Variants in PLAG1 observed in about 807,000 individuals in gnomAD.
PLAG1 encodes the protein PLAG1 zinc finger, also known as zinc finger protein PLAG1.
Under a neutral mutation model 35.5 loss-of-function variants are expected in PLAG1, and 7 were observed. That is an observed-to-expected ratio of 0.20 (90% CI 0.11 to 0.37). PLAG1 has a LOEUF of 0.37. PLAG1 is among the 10% of genes least tolerant of loss of function. The pLI is 1.00. For missense variants in PLAG1, 454 were observed against 602.8 expected (o/e 0.75, Z 2.58); for synonymous variants, 229 against 225.4 (o/e 1.02, Z -0.14).
chr8:56,185,123 A>G (rs1186106520), intron 1 of PLAG1, among the ~76,000 whole-genome samples: 1 of 152,222 alleles, frequency 6.6e-6, no homozygotes, highest in African/African-American at 2.4e-5. Context: ...TACATACTGC[A>G]CGATTCCATC....
intron 1 of PLAG1, among the ~76,000 whole-genome samples, chr8:56,197,660 G>A (rs1258905308): frequency 6.6e-6 from 1 of 152,182 alleles, no homozygotes; most frequent in Non-Finnish European, 1.5e-5. Context: ...TTAGGTCTAC[G>A]TGTTTCTCTG....
Position 56,163,880 on chromosome 8 carries a change from G to A in PLAG1, c.*2363C>T, listed in dbSNP as rs1317878266. The stretch of plus-strand genomic sequence containing the variant: ...AGAATAAAGTAGTGCTTCCACACTT[G>A]CTATTTGTGATTTCTATTTAAAAAT... On this transcript the variant is annotated 3_prime_UTR_variant, in exon 5 of 5. Transcript: ENST00000316981. The A allele has an allele frequency of 1.1e-5, 2 of 184,402 alleles. No individual in the cohort carries two copies. The highest frequency in any genetic ancestry group is 4.7e-5 in the African/African-American group (2 of 42,492). 11.4% of individuals were successfully genotyped at this position (184,402 alleles called of 1,614,324 possible). A position where few individuals can be genotyped will look rare whatever the true frequency, so the allele number is the denominator to read the frequency against.
intron 1 of PLAG1, among the ~76,000 whole-genome samples, chr8:56,187,405 C>A (rs563469722): frequency 1.3e-5 from 2 of 152,202 alleles, no homozygotes; most frequent in Non-Finnish European, 2.9e-5. Flanking sequence ...AGGCAAGAAT[C>A]AGAACTAGGC....
At position 56,171,062 on chromosome 8, in the gene PLAG1, ATTATAGTGAT is replaced by A. The variant is rs1374433759; in HGVS notation, c.-118+19_-118+28del. ...AATACTTTAAAGGTGCATGCATAGA[ATTATAGTGAT>A]TTTTAGTTCAATGCATACCTGATTA... On this transcript the variant is annotated intron_variant, in intron 3 of 4. Transcript: ENST00000316981. The A allele has an allele frequency of 3.7e-6, 2 of 538,534 alleles. No homozygotes were observed. Among genetic ancestry groups the A allele is most frequent in the Non-Finnish European group, 4.7e-6 (2 of 421,296 alleles). The allele number at this position is 538,534 out of a possible 1,614,324, so 33.4% of individuals were successfully genotyped here. A position where few individuals can be genotyped will look rare whatever the true frequency, so the allele number is the denominator to read the frequency against.
At position 56,162,017 on chromosome 8, in the gene PLAG1, T is replaced by C; in HGVS notation, c.*4226A>G. 1 of 226,800 alleles carries C rather than the reference T, an allele frequency of 4.4e-6. No individual in the cohort carries two copies. Among genetic ancestry groups the C allele is most frequent in the Non-Finnish European group, 8.8e-6 (1 of 113,750 alleles). The allele number at this position is 226,800 out of a possible 1,614,324, so 14.0% of individuals were successfully genotyped here. A position where few individuals can be genotyped will look rare whatever the true frequency, so the allele number is the denominator to read the frequency against. On this transcript the variant is annotated 3_prime_UTR_variant, in exon 5 of 5. Transcript: ENST00000316981. Reference sequence around the variant, plus strand: ...GCCCTAAGTGCAATCTGAGTGTGCCTTCACCAATGCTGGTTGCATGATCTT... The same window carrying C: ...GCCCTAAGTGCAATCTGAGTGTGCCCTCACCAATGCTGGTTGCATGATCTT...
chr8:56,206,015 T>C (rs549899519), intron 1 of PLAG1, among the ~76,000 whole-genome samples: 14 of 152,114 alleles, frequency 9.2e-5, no homozygotes, highest in Non-Finnish European at 2.1e-4. Context: ...TAACACTACC[T>C]TTTTAAAAAA....
chr8:56,179,169 G>A (rs1256601356), intron 2 of PLAG1, among the ~76,000 whole-genome samples: 1 of 151,964 alleles, frequency 6.6e-6, no homozygotes, highest in Non-Finnish European at 1.5e-5. Flanking sequence ...CAGCAGCTAT[G>A]TGTTTTGTGC....
intron 1 of PLAG1, among the ~76,000 whole-genome samples, chr8:56,207,847 T>G (rs768536139): frequency 3.3e-5 from 5 of 152,126 alleles, no homozygotes; most frequent in Non-Finnish European, 7.4e-5. Context: ...TAAGACTCTC[T>G]AAGCGATTAC....
intron 1 of PLAG1, among the ~76,000 whole-genome samples, chr8:56,206,959 G>A (rs1208579590): frequency 2.0e-5 from 3 of 151,850 alleles, no homozygotes; most frequent in Non-Finnish European, 4.4e-5. Flanking sequence ...AATCTAAGAT[G>A]TTATCAATAT....
At chr8:56,202,548 T>C (rs919659549) in intron 1 of PLAG1, among the ~76,000 whole-genome samples, 1 of 152,222 alleles carries the variant, frequency 6.6e-6, no homozygotes, top group Non-Finnish European at 1.5e-5. Context: ...AAGAGTATCA[T>C]GCATTGTACA....
Position 56,175,023 on chromosome 8 carries a change from A to G in PLAG1, c.-216-3834T>C, listed in dbSNP as rs559148075. The stretch of plus-strand genomic sequence containing the variant: ...ACTAATCCCTCATGGATAGCAAGGG[A>G]CAACTGTGTATCTATATTCAAGTCA... On this transcript the variant is annotated intron_variant, in intron 2 of 4. Transcript: ENST00000316981. Among the ~76,000 whole-genome samples the G allele has an allele frequency of 5.3e-5, 8 of 152,278 alleles. No homozygotes were observed. The South Asian group carries it at 1.7e-3, about 32-fold the overall frequency.
chr8:56,194,087 T>C (rs1234780640), intron 1 of PLAG1, among the ~76,000 whole-genome samples: 1 of 152,030 alleles, frequency 6.6e-6, no homozygotes, highest in Non-Finnish European at 1.5e-5. Context: ...GCTAAGACTG[T>C]TGGATCACTT....
Position 56,163,885 on chromosome 8 carries a change from T to C in PLAG1, c.*2358A>G, listed in dbSNP as rs570720054. The C allele has an allele frequency of 1.1e-5, 2 of 184,312 alleles. No homozygotes were observed. The highest frequency in any genetic ancestry group is 3.9e-4 in the South Asian group (2 of 5,108). 11.4% of individuals were successfully genotyped at this position (184,312 alleles called of 1,614,324 possible). A position where few individuals can be genotyped will look rare whatever the true frequency, so the allele number is the denominator to read the frequency against. On this transcript the variant is annotated 3_prime_UTR_variant, in exon 5 of 5. Coordinates refer to ENST00000316981, the MANE Select transcript of PLAG1 (RefSeq NM_002655.3). Reference sequence around the variant, plus strand: ...AAAGTAGTGCTTCCACACTTGCTATTTGTGATTTCTATTTAAAAATAGGTT... The same window carrying C: ...AAAGTAGTGCTTCCACACTTGCTATCTGTGATTTCTATTTAAAAATAGGTT...
intron 1 of PLAG1, among the ~76,000 whole-genome samples, chr8:56,187,390 G>A (rs1216220682): frequency 6.6e-6 from 1 of 152,218 alleles, no homozygotes; most frequent in East Asian, 1.9e-4. Flanking sequence ...GCAGCAGAGA[G>A]ACAAAGGCAA....
In PLAG1 at chr8:56,166,673, C is replaced by T; in HGVS notation, c.1073G>A (p.Ser358Asn). 1.2e-6 allele frequency: 2 copies of T among 1,614,076 alleles called. No homozygotes were observed. The highest frequency in any genetic ancestry group is 1.7e-6 in the Non-Finnish European group (2 of 1,179,946). Residue 358 changes from serine (S) to asparagine (N), a missense_variant, in exon 5 of 5, where the codon AGT becomes AAT. By Grantham distance (46) the Ser-to-Asn change is conservative (BLOSUM62 1). Coordinates refer to ENST00000316981, the MANE Select transcript of PLAG1 (RefSeq NM_002655.3). ...KEQPLKGEIE[S>N]YLMELQGGVP... Reference sequence around the variant, plus strand: ...GCCACCTTGTAACTCCATCAGGTAACTCTCAATTTCCCCCTTTAATGGCTG... The same window carrying T: ...GCCACCTTGTAACTCCATCAGGTAATTCTCAATTTCCCCCTTTAATGGCTG...
intron 1 of PLAG1, among the ~76,000 whole-genome samples, 158 bp from the exon 2 acceptor site, chr8:56,179,671 A>G (rs1190731859): frequency 6.6e-6 from 1 of 152,224 alleles, no homozygotes; most frequent in Non-Finnish European, 1.5e-5. Context: ...TGTATAGTAC[A>G]TGGAAAAATG....
chr8:56,209,304 G>C (rs867849317), intron 1 of PLAG1: 4 of 152,314 alleles, frequency 2.6e-5, no homozygotes, highest in African/African-American at 9.6e-5. Context: ...GGGAGGGCTT[G>C]TTACACAAAG....
intron 1 of PLAG1, among the ~76,000 whole-genome samples, chr8:56,195,112 T>C (rs1392018251): frequency 2.0e-5 from 3 of 152,232 alleles, no homozygotes; most frequent in Non-Finnish European, 4.4e-5. Context: ...TTAGAGACTA[T>C]TATTATCATA....
intron 1 of PLAG1, among the ~76,000 whole-genome samples, chr8:56,197,142 GTC>G: frequency 6.6e-6 from 1 of 152,088 alleles, no homozygotes. Context: ...AGGTGTCTGT[GTC>G]TCTCTCCCAC....
Sources: gnomAD v4.1 joint callset for allele counts (sites outside exome capture counted in the v4.1 genomes callset) on GRCh38, gnomAD v4.1.1 for gene constraint, MANE v1.5 for transcripts, NCBI Gene and HGNC (gene_info 2026-07-23, HGNC 2026-07-21) for gene names.